Variants in FAM13A observed in about 807,000 individuals in gnomAD.
The protein encoded by FAM13A is protein FAM13A.
FAM13A carries 76 observed loss-of-function variants against 129.6 expected under a neutral mutation model. The ratio of observed to expected loss-of-function variants is 0.59; its 90% CI spans 0.49 to 0.71. The LOEUF is 0.71. FAM13A is among the 30% of genes least tolerant of loss of function. The pLI is 0.00. For synonymous variants in FAM13A, 443 were observed against 449.9 expected, an observed-to-expected ratio of 0.98 and a Z score of 0.20; for missense variants, 1,108 against 1,249.3, an observed-to-expected ratio of 0.89 and a Z score of 1.70.
chr4:89,017,253 T>C (rs1766623418), intron 3 of FAM13A, among the ~76,000 whole-genome samples: 1 of 152,174 alleles, frequency 6.6e-6, no homozygotes, highest in Non-Finnish European at 1.5e-5. Flanking sequence ...GGAAGAATAA[T>C]ACCAACATAG....
chr4:88,728,289 G>A lies in FAM13A; in HGVS notation c.*244C>T, dbSNP rs886451778. 4.7e-5 allele frequency: 26 copies of A among 548,042 alleles called. No individual in the cohort carries two copies. Among genetic ancestry groups the A allele is most frequent in the Admixed American group, 1.2e-4 (4 of 32,370 alleles). 33.9% of individuals were successfully genotyped at this position (548,042 alleles called of 1,614,324 possible). On this transcript the variant is annotated 3_prime_UTR_variant, in exon 24 of 24. Transcript: ENST00000264344. ...TGTGTGTGTGCGTGCATGCGCGTGC[G>A]CATGTGCACATACTGCAGTCTTGAC... is the stretch of plus-strand genomic sequence containing the variant.
intron 21 of FAM13A, chr4:88,732,490 C>T: frequency 4.2e-6 from 1 of 240,266 alleles, no homozygotes. Flanking sequence ...TAAGAAGGAA[C>T]AACCATCATA....
intron 5 of FAM13A, among the ~76,000 whole-genome samples, chr4:88,908,330 G>A (rs1020659946): frequency 1.3e-5 from 2 of 152,182 alleles, no homozygotes; most frequent in African/African-American, 4.8e-5. Flanking sequence ...ACTATGCTTG[G>A]ATAACACAAT....
chr4:88,950,755 T>C (rs114110240), intron 4 of FAM13A, among the ~76,000 whole-genome samples: 2,694 of 152,236 alleles, frequency 0.018, 81 homozygotes, highest in African/African-American at 0.06. Flanking sequence ...TACGGGTGAA[T>C]TTTTCTATAA....
intron 4 of FAM13A, among the ~76,000 whole-genome samples, chr4:88,945,400 C>T (rs1165654096): frequency 6.6e-6 from 1 of 152,158 alleles, no homozygotes; most frequent in Admixed American, 6.5e-5. Flanking sequence ...CAACTTCATG[C>T]TGTGGAGTTT....
chr4:88,855,827 T>C (rs1156889883), intron 6 of FAM13A: 3 of 152,180 alleles, frequency 2.0e-5, no homozygotes, highest in Non-Finnish European at 4.4e-5. Context: ...ATTGCCATCA[T>C]AGAACTGTGA....
intron 8 of FAM13A, among the ~76,000 whole-genome samples, chr4:88,793,095 C>T (rs1398622528): frequency 1.3e-5 from 2 of 152,000 alleles, no homozygotes; most frequent in East Asian, 3.9e-4. Flanking sequence ...GATTCTAATA[C>T]TGTTGGTTTG....
intron 9 of FAM13A, among the ~76,000 whole-genome samples, chr4:88,789,713 C>A (rs1724727037): frequency 6.6e-6 from 1 of 152,092 alleles, no homozygotes; most frequent in South Asian, 2.1e-4. Flanking sequence ...AATGTAATTT[C>A]CAATAGTAAT....
In FAM13A at chr4:88,812,905, C is replaced by A. The variant is rs532980066; in HGVS notation, c.1008-7853G>T. ...AACATACTGTTTATAATTTGTAAAA[C>A]TAATTTTGCCTAGGAGCATTCTCTG... On this transcript the variant is annotated intron_variant, in intron 7 of 23. Transcript: ENST00000264344. Among the ~76,000 whole-genome samples, 223 of 152,236 alleles carry A rather than the reference C, an allele frequency of 1.5e-3. 2 individuals carry two copies. The highest frequency in any genetic ancestry group is 5.2e-3 in the African/African-American group (214 of 41,542).
At chr4:88,893,759 C>G (rs1423678696) in intron 6 of FAM13A, among the ~76,000 whole-genome samples, 2 of 142,494 alleles carry the variant, frequency 1.4e-5, no homozygotes, top group Non-Finnish European at 3.0e-5. Flanking sequence ...ACCCGGGAGG[C>G]GGAGCTGCAG....
rs1260780119 is a variant in FAM13A at position 88,747,782 on chromosome 4, T to C, written c.2231A>G (p.Lys744Arg). 1.2e-6 allele frequency: 2 copies of C among 1,614,246 alleles called. No homozygotes were observed. Among genetic ancestry groups the C allele is most frequent in the Admixed American group, 1.7e-5 (1 of 60,036 alleles). Residue 744 changes from lysine to arginine, a missense_variant, in exon 18 of 24, where the codon AAG becomes AGG. Lys to Arg is a conservative substitution (Grantham distance 26). Transcript: ENST00000264344. Reference sequence around the variant, plus strand: ...TTTCTCAAGTTGGGAACCAAAACTCTTGGGGAGTGTGTTGCTTCGCTGCCG... The same window carrying C: ...TTTCTCAAGTTGGGAACCAAAACTCCTGGGGAGTGTGTTGCTTCGCTGCCG... ...RMRQRSNTLPKSFGSQLEKED... is the reference protein window; with the variant it reads ...RMRQRSNTLPRSFGSQLEKED...
intron 5 of FAM13A, 29 bp from the exon 6 acceptor site, chr4:88,906,491 G>A: frequency 6.7e-7 from 1 of 1,483,236 alleles, no homozygotes; most frequent in Non-Finnish European, 9.3e-7. Flanking sequence ...GGAAACATTA[G>A]AGATTAAAGA....
chr4:89,057,147 T>G lies in FAM13A; in HGVS notation c.-183A>C. ...TAGGAAGAGTGGTTTTGCTTCTCTT[T>G]CCGCTGAACCCACATGGCTGGAAGG... is the stretch of plus-strand genomic sequence containing the variant. On this transcript the variant is annotated 5_prime_UTR_variant, in exon 1 of 24. Transcript: ENST00000264344. 1 of 1,439,828 alleles carries G rather than the reference T, an allele frequency of 6.9e-7. No homozygotes were observed. The highest frequency in any genetic ancestry group is 1.4e-5 in the African/African-American group (1 of 69,480). 89.2% of individuals were successfully genotyped at this position (1,439,828 alleles called of 1,614,324 possible).
chr4:88,873,317 C>T lies in FAM13A; in HGVS notation c.844-22134G>A, dbSNP rs533364730. Among the ~76,000 whole-genome samples, 19 of 151,792 alleles carry T rather than the reference C, an allele frequency of 1.3e-4. No homozygotes were observed. In the South Asian group the frequency reaches 2.5e-3, roughly 20 times the overall value. ...AGCAGAACTGAAGGAAATAGAGACA[C>T]AAAAAAACCCTTCAAAAAATTAATG... is the stretch of plus-strand genomic sequence containing the variant. On this transcript the variant is annotated intron_variant, in intron 6 of 23. Transcript: ENST00000264344.
chr4:88,784,902 T>C (rs1442414781), intron 10 of FAM13A, among the ~76,000 whole-genome samples: 1 of 152,182 alleles, frequency 6.6e-6, no homozygotes, highest in Non-Finnish European at 1.5e-5. Flanking sequence ...TTTTACATAA[T>C]GAAGATTTTA....
intron 1 of FAM13A, among the ~76,000 whole-genome samples, chr4:89,050,200 CCTCTT>C (rs1236849694): frequency 1.6e-4 from 25 of 151,796 alleles, no homozygotes; most frequent in African/African-American, 6.1e-4. Context: ...TCCTTTCTTT[CCTCTT>C]CTCTTTTTTT....
chr4:88,799,210 G>C (rs909364998), intron 8 of FAM13A, among the ~76,000 whole-genome samples: 9 of 152,118 alleles, frequency 5.9e-5, no homozygotes, highest in African/African-American at 1.7e-4. Flanking sequence ...TTATACTGTT[G>C]GTCTGGTTCT....
rs778740024 is a variant in FAM13A, at chr4:88,906,458, A to G, written c.764T>C (p.Val255Ala). The G allele has an allele frequency of 1.9e-6, 3 of 1,597,698 alleles. No homozygotes were observed. In the East Asian group the frequency reaches 6.7e-5, roughly 36 times the overall value. ...NLARLIIVKE[V>A]YYKNSLPILL... ...GATGGGCAGGGAGTTCTTATAATAGACCTCCTACAAAAGAAGTATAAAGGA... is the reference window on the plus strand; with the variant it reads ...GATGGGCAGGGAGTTCTTATAATAGGCCTCCTACAAAAGAAGTATAAAGGA... The change falls in exon 6 of 24, where the codon GTC becomes GCC. Residue 255 changes from valine to alanine, a missense_variant. Val to Ala is a moderately conservative substitution (Grantham distance 64, BLOSUM62 0). Coordinates refer to ENST00000264344, the MANE Select transcript of FAM13A (RefSeq NM_014883.4).
At chr4:88,805,520 C>T (rs1728378432) in intron 7 of FAM13A, among the ~76,000 whole-genome samples, 1 of 152,136 alleles carries the variant, frequency 6.6e-6, no homozygotes, top group Non-Finnish European at 1.5e-5. Context: ...CAGTAAACAG[C>T]ACCATACTCA....
Sources: allele counts gnomAD v4.1 joint callset (sites outside exome capture counted in the v4.1 genomes callset), GRCh38; gene constraint gnomAD v4.1.1; transcripts MANE v1.5; gene names NCBI Gene and HGNC (gene_info 2026-07-23, HGNC 2026-07-21).